FSTL4: variants seen among roughly 807,000 people sequenced by gnomAD.
The protein encoded by FSTL4 is follistatin like 4, also known as follistatin-related protein 4.
Under a neutral mutation model 78.2 loss-of-function variants are expected in FSTL4, and 28 were observed. The ratio of observed to expected loss-of-function variants is 0.36; its 90% CI spans 0.27 to 0.49. The LOEUF is 0.49. FSTL4 is among the 20% of genes least tolerant of loss of function. FSTL4 has a pLI of 0.98. For missense variants in FSTL4, 922 were observed against 1,084.9 expected, an observed-to-expected ratio of 0.85 and a Z score of 2.11; for synonymous variants, 422 against 440.5, an observed-to-expected ratio of 0.96 and a Z score of 0.53.
the FSTL4 span, among the ~76,000 whole-genome samples, chr5:133,812,397 C>T: frequency 1.3e-5 from 2 of 152,224 alleles, no homozygotes; most frequent in East Asian, 1.9e-4. Flanking sequence ...CATGATCTGT[C>T]CCCTGACACT....
intron 3 of FSTL4, among the ~76,000 whole-genome samples, chr5:133,433,050 C>T (rs1048264192): frequency 6.6e-6 from 1 of 152,172 alleles, no homozygotes; most frequent in Admixed American, 6.5e-5. Flanking sequence ...TTCTCTCTGC[C>T]CCTGACTCCT....
chr5:133,329,556 G>A (rs1181840708), intron 4 of FSTL4, among the ~76,000 whole-genome samples: 3 of 152,108 alleles, frequency 2.0e-5, no homozygotes, highest in Non-Finnish European at 2.9e-5. Flanking sequence ...TCTGATGCTC[G>A]AGGGCAGGAA....
At chr5:133,535,662 G>T (rs989640731) in intron 3 of FSTL4, among the ~76,000 whole-genome samples, 1 of 152,144 alleles carries the variant, frequency 6.6e-6, no homozygotes, top group Non-Finnish European at 1.5e-5. Flanking sequence ...CTATATTTCT[G>T]TGTGTGTGTC....
In FSTL4 at chr5:133,283,744, A is replaced by G. The variant is rs570888000; in HGVS notation, c.727+28910T>C. 1.3e-5 allele frequency among the ~76,000 whole-genome samples: 2 copies of G among 152,222 alleles called. 1 individual carries two copies. Among genetic ancestry groups the G allele is most frequent in the South Asian group, 4.2e-4 (2 of 4,814 alleles). ...GCACTGCATGGGTGTAGGGCAATAT[A>G]TTGGTCTGTTCTCACACTGCTATAA... On this transcript the variant is annotated intron_variant, in intron 6 of 15. Transcript: ENST00000265342.
At chr5:133,424,461 A>C (rs183223783) in intron 3 of FSTL4, among the ~76,000 whole-genome samples, 4 of 152,322 alleles carry the variant, frequency 2.6e-5, no homozygotes, top group Admixed American at 2.6e-4. Flanking sequence ...GAGACAGGAA[A>C]TGACATGTTT....
At chr5:133,511,772 A>T (rs1055235422) in intron 3 of FSTL4, among the ~76,000 whole-genome samples, 2 of 152,174 alleles carry the variant, frequency 1.3e-5, no homozygotes, top group Non-Finnish European at 2.9e-5. Context: ...AGAAGCCAGG[A>T]GTATTCAGAG....
At chr5:133,354,583 T>C (rs1345863001) in intron 4 of FSTL4, among the ~76,000 whole-genome samples, 1 of 152,204 alleles carries the variant, frequency 6.6e-6, no homozygotes, top group East Asian at 1.9e-4. Flanking sequence ...TGAGACCACG[T>C]AAGCTCCTTG....
chr5:133,748,218 G>T, the FSTL4 span, among the ~76,000 whole-genome samples: 1 of 147,758 alleles, frequency 6.8e-6, no homozygotes, highest in East Asian at 2.0e-4. Flanking sequence ...AAAAAAAAAA[G>T]CCCAAACCCT....
the FSTL4 span, among the ~76,000 whole-genome samples, chr5:133,645,538 A>G: frequency 6.6e-6 from 1 of 152,110 alleles, no homozygotes; most frequent in Non-Finnish European, 1.5e-5. Context: ...CTGGCACTTC[A>G]CTAAGTATAG....
At chr5:133,259,467 C>T (rs60624411) in intron 6 of FSTL4, among the ~76,000 whole-genome samples, 5,441 of 150,736 alleles carry the variant, frequency 0.036, 303 homozygotes, top group African/African-American at 0.13. Flanking sequence ...AAGGTAAGGA[C>T]TGATGGCTGT....
At chr5:133,838,731 A>C in the FSTL4 span, among the ~76,000 whole-genome samples, 2 of 151,906 alleles carry the variant, frequency 1.3e-5, no homozygotes, top group Non-Finnish European at 2.9e-5. Flanking sequence ...GGAGAAAAGG[A>C]AAGGCAGGAG....
chr5:133,467,055 T>G (rs577224573), intron 3 of FSTL4, among the ~76,000 whole-genome samples: 23 of 151,832 alleles, frequency 1.5e-4, no homozygotes, highest in African/African-American at 5.6e-4. Context: ...TGTATGAGTA[T>G]ATGTATGTAT....
intron 2 of FSTL4, among the ~76,000 whole-genome samples, chr5:133,574,042 T>C (rs1458809784): frequency 6.6e-6 from 1 of 152,230 alleles, no homozygotes; most frequent in Non-Finnish European, 1.5e-5. Flanking sequence ...TCTCAGACTT[T>C]ATTAAAATTA....
intron 3 of FSTL4, among the ~76,000 whole-genome samples, chr5:133,418,133 C>T (rs986616224): frequency 5.3e-5 from 8 of 151,270 alleles, no homozygotes; most frequent in Admixed American, 2.0e-4. Context: ...AACTAGAAAA[C>T]GAGTAATAGA....
At chr5:133,213,385 T>C (rs1311140533) in intron 13 of FSTL4, among the ~76,000 whole-genome samples, 4 of 148,722 alleles carry the variant, frequency 2.7e-5, no homozygotes. Flanking sequence ...GCAAAGTTGG[T>C]GTTAGAACTA....
chr5:133,750,405 C>A, the FSTL4 span, among the ~76,000 whole-genome samples: 1 of 152,176 alleles, frequency 6.6e-6, no homozygotes, highest in Non-Finnish European at 1.5e-5. Context: ...CTGAGGACAT[C>A]TGCCATTTAT....
At chr5:133,258,021 A>G (rs1428331904) in intron 6 of FSTL4, among the ~76,000 whole-genome samples, 1 of 152,246 alleles carries the variant, frequency 6.6e-6, no homozygotes. Flanking sequence ...TGAGCAAGTC[A>G]GTGGAGAAGA....
At chr5:133,497,391 A>G (rs1434028906) in intron 3 of FSTL4, among the ~76,000 whole-genome samples, 2 of 152,260 alleles carry the variant, frequency 1.3e-5, no homozygotes, top group African/African-American at 2.4e-5. Flanking sequence ...AATAATATAC[A>G]TAGAGCACTG....
chr5:133,313,686 C>T (rs1025089553), intron 5 of FSTL4, among the ~76,000 whole-genome samples: 3 of 152,174 alleles, frequency 2.0e-5, no homozygotes, highest in East Asian at 1.9e-4. Flanking sequence ...TCAGCTTGGT[C>T]TGCTGTATTA....
Sources: allele counts gnomAD v4.1 joint callset (sites outside exome capture counted in the v4.1 genomes callset), GRCh38; gene constraint gnomAD v4.1.1; transcripts MANE v1.5; gene names NCBI Gene and HGNC (gene_info 2026-07-23, HGNC 2026-07-21).